Variants in STK26 observed in about 807,000 individuals in gnomAD.
The protein encoded by STK26 is serine/threonine kinase 26.
A neutral mutation model predicts 34.7 loss-of-function variants in STK26; 14 were observed. That is an observed-to-expected ratio of 0.40 (90% CI 0.27 to 0.63). The LOEUF is 0.63. STK26 is among the 30% of genes least tolerant of loss of function. The pLI, the probability that STK26 is intolerant of heterozygous loss-of-function variation, is 0.38. For missense variants in STK26, 226 were observed against 309.1 expected (o/e 0.73, Z 2.02); for synonymous variants, 100 against 109.8 (o/e 0.91, Z 0.56).
intron 8 of STK26, 104 bp from the exon 9 acceptor site, chrX:132,072,164 C>A: frequency 3.3e-6 from 2 of 607,548 alleles, no homozygotes; most frequent in Admixed American, 2.9e-5. Flanking sequence ...AGTTTTTAAA[C>A]ATTGGGACAA....
chrX:132,034,309 T>A (rs1230025093), intron 2 of STK26, among the ~76,000 whole-genome samples: 43 of 67,234 alleles, frequency 6.4e-4, no homozygotes, highest in African/African-American at 2.1e-3. Flanking sequence ...TTTTTTTTTT[T>A]TTTTTTTTTT....
rs1362018021 is a variant in STK26, at chrX:132,047,138, A to G, written c.43-7493A>G. On this transcript the variant is annotated intron_variant, in intron 2 of 11. Coordinates refer to ENST00000394334, the MANE Select transcript of STK26 (RefSeq NM_016542.4). ...CTTAGTTCTTATTCTGTCATATGCA[A>G]AATACAGTGGAGCTAAGTATTTCAC... is the stretch of plus-strand genomic sequence containing the variant. Among the ~76,000 whole-genome samples the G allele has an allele frequency of 3.6e-5, 4 of 112,090 alleles. No individual in the cohort carries two copies. The East Asian group carries it at 1.1e-3, about 31-fold the overall frequency.
intron 3 of STK26, among the ~76,000 whole-genome samples, chrX:132,058,556 T>A (rs895264245): frequency 5.4e-5 from 6 of 111,607 alleles, no homozygotes; most frequent in African/African-American, 2.0e-4. Context: ...CAGCTCTATC[T>A]TCTTTTCCTA....
At chrX:132,073,682 A>G in intron 11 of STK26, among the ~76,000 whole-genome samples, 1 of 112,344 alleles carries the variant, frequency 8.9e-6, no homozygotes, top group African/African-American at 3.2e-5. Flanking sequence ...GCATGCACAC[A>G]TATACACTCC....
intron 3 of STK26, chrX:132,055,365 A>T: frequency 1.2e-6 from 1 of 820,767 alleles, no homozygotes; most frequent in Non-Finnish European, 1.7e-6. Context: ...GGTACATCTT[A>T]AGCATGTGGT....
chrX:132,055,927 C>T (rs187668823), intron 3 of STK26, among the ~76,000 whole-genome samples: 32 of 112,432 alleles, frequency 2.8e-4, no homozygotes, highest in Admixed American at 8.5e-4. Flanking sequence ...TCTGTTTGAT[C>T]AGTTCTGCTA....
At chrX:132,071,438 TGGTCTAACCCCTAGTG>T (rs1416859214) in intron 8 of STK26, among the ~76,000 whole-genome samples, 1 of 112,080 alleles carries the variant, frequency 8.9e-6, no homozygotes, top group Non-Finnish European at 1.9e-5. Context: ...TAAATGGTCT[TGGTCTAACCCCTAGTG>T]GATACTTGAG....
chrX:132,046,483 T>A (rs933464412), intron 2 of STK26, among the ~76,000 whole-genome samples: 19 of 111,853 alleles, frequency 1.7e-4, no homozygotes, highest in Non-Finnish European at 3.8e-5. Flanking sequence ...TAAGTATTTT[T>A]GCTAATGAGA....
intron 2 of STK26, among the ~76,000 whole-genome samples, chrX:132,029,332 G>A (rs1427026755): frequency 9.0e-6 from 1 of 111,675 alleles, no homozygotes; most frequent in Non-Finnish European, 1.9e-5. Context: ...ACAAAATGGG[G>A]AATAATAAAA....
chrX:132,061,093 A>G (rs1927039260), intron 3 of STK26, among the ~76,000 whole-genome samples: 1 of 112,296 alleles, frequency 8.9e-6, no homozygotes, highest in Non-Finnish European at 1.9e-5. Context: ...TACAAACAAA[A>G]AGGCACACAT....
At chrX:132,041,389 G>C (rs1262834003) in intron 2 of STK26, among the ~76,000 whole-genome samples, 1 of 111,829 alleles carries the variant, frequency 8.9e-6, no homozygotes, top group African/African-American at 3.2e-5. Flanking sequence ...AAGTCCTTTT[G>C]GGGTAGGCAG....
chrX:132,065,377 T>C (rs189294605), intron 4 of STK26, among the ~76,000 whole-genome samples: 2 of 111,903 alleles, frequency 1.8e-5, no homozygotes, highest in African/African-American at 6.5e-5. Flanking sequence ...AGTTGTCTTA[T>C]CTGGTTCCTC....
intron 2 of STK26, among the ~76,000 whole-genome samples, chrX:132,050,804 C>T (rs931177217): frequency 1.8e-5 from 2 of 111,658 alleles, no homozygotes; most frequent in East Asian, 2.8e-4. Flanking sequence ...ATATGCTTGC[C>T]TGGGAAAAAT....
intron 2 of STK26, among the ~76,000 whole-genome samples, chrX:132,037,803 C>G (rs757004011): frequency 7.7e-5 from 4 of 52,209 alleles, no homozygotes; most frequent in South Asian, 1.0e-3. Context: ...AACTATTTAT[C>G]TCTTCATGAA....
intron 4 of STK26, among the ~76,000 whole-genome samples, chrX:132,066,167 G>T (rs1260312552): frequency 8.9e-6 from 1 of 111,894 alleles, no homozygotes; most frequent in African/African-American, 3.2e-5. Flanking sequence ...ACAATTTATT[G>T]TATGTGAGCA....
At chrX:132,040,739 T>G (rs959786004) in intron 2 of STK26, among the ~76,000 whole-genome samples, 1 of 111,656 alleles carries the variant, frequency 9.0e-6, no homozygotes, top group Admixed American at 9.5e-5. Context: ...TTGTACTGAG[T>G]AAGTGTCTTC....
chrX:132,039,229 A>G, intron 2 of STK26, among the ~76,000 whole-genome samples: 1 of 111,532 alleles, frequency 9.0e-6, no homozygotes. Context: ...TGGTTGAAAG[A>G]TAAAGTACAT....
At chrX:132,066,801 G>A (rs936583643) in intron 4 of STK26, among the ~76,000 whole-genome samples, 9 of 111,539 alleles carry the variant, frequency 8.1e-5, no homozygotes, top group East Asian at 5.6e-4. Context: ...CTAGTAGGTC[G>A]TACATTAATC....
intron 2 of STK26, among the ~76,000 whole-genome samples, chrX:132,028,671 TTGTAAGAAAAGTAAGGG>T (rs1158456791): frequency 8.2e-5 from 9 of 109,226 alleles, no homozygotes; most frequent in South Asian, 7.9e-4. Context: ...AAAGTAAGGG[TTGTAAGAAAAGTAAGGG>T]TGTAAGAAAA....
Sources: allele counts gnomAD v4.1 joint callset (sites outside exome capture counted in the v4.1 genomes callset), GRCh38; gene constraint gnomAD v4.1.1; transcripts MANE v1.5; gene names NCBI Gene and HGNC (gene_info 2026-07-23, HGNC 2026-07-21).